SNTG1: variants seen among roughly 807,000 people sequenced by gnomAD.
SNTG1 encodes syntrophin gamma 1, also known as gamma-1-syntrophin.
SNTG1 carries 39 observed loss-of-function variants against 74.7 expected under a neutral mutation model. That is an observed-to-expected ratio of 0.52 (90% CI 0.40 to 0.68). SNTG1 has a LOEUF of 0.68. Among genes scored for constraint, SNTG1 ranks in the 30% least tolerant of loss-of-function variants. The probability of loss-of-function intolerance (pLI) is 0.00; values close to 1 mark genes in which losing one functional copy is unlikely to be tolerated. For missense variants in SNTG1, 685 were observed against 609.5 expected (o/e 1.12, Z -1.30); for synonymous variants, 254 against 217.1 (o/e 1.17, Z -1.49).
intron 13 of SNTG1, among the ~76,000 whole-genome samples, chr8:50,618,891 A>ATGTG (rs34924863): frequency 0.035 from 5,211 of 148,338 alleles, 260 homozygotes; most frequent in African/African-American, 0.11. Flanking sequence ...ATATGTGTAT[A>ATGTG]TGTGTGTGTG....
chr8:50,389,166 G>A (rs2092619252), intron 2 of SNTG1, among the ~76,000 whole-genome samples: 1 of 152,204 alleles, frequency 6.6e-6, no homozygotes, highest in Non-Finnish European at 1.5e-5. Flanking sequence ...CATAGCTGGA[G>A]TAGACATAAG....
intron 2 of SNTG1, among the ~76,000 whole-genome samples, chr8:50,356,206 A>G (rs2091812702): frequency 6.6e-6 from 1 of 152,038 alleles, no homozygotes; most frequent in South Asian, 2.1e-4. Flanking sequence ...TGAGTTCACC[A>G]TCTTGACAGG....
intron 1 of SNTG1, among the ~76,000 whole-genome samples, chr8:50,068,237 T>C (rs893238861): frequency 6.6e-6 from 1 of 152,148 alleles, no homozygotes; most frequent in African/African-American, 2.4e-5. Context: ...CGGGCCGGAC[T>C]GAGAGAGGCT....
At chr8:50,071,267 T>C (rs935894994) in intron 1 of SNTG1, among the ~76,000 whole-genome samples, 1 of 152,164 alleles carries the variant, frequency 6.6e-6, no homozygotes, top group Non-Finnish European at 1.5e-5. Context: ...GGCATGATCA[T>C]AGCTCACTGC....
At chr8:50,685,001 TCTTA>T (rs1404305456) in intron 15 of SNTG1, among the ~76,000 whole-genome samples, 1 of 150,766 alleles carries the variant, frequency 6.6e-6, no homozygotes, top group Non-Finnish European at 1.5e-5. Flanking sequence ...TTCACCTTTT[TCTTA>T]CTTAAAAAAA....
intron 1 of SNTG1, among the ~76,000 whole-genome samples, chr8:50,009,063 T>C (rs1441273074): frequency 6.6e-6 from 1 of 152,188 alleles, no homozygotes; most frequent in Non-Finnish European, 1.5e-5. Flanking sequence ...TATTTTTTAT[T>C]GAATTTTGGA....
At chr8:50,457,461 A>G (rs1299408487) in intron 8 of SNTG1, among the ~76,000 whole-genome samples, 1 of 152,206 alleles carries the variant, frequency 6.6e-6, no homozygotes, top group Non-Finnish European at 1.5e-5. Flanking sequence ...CAAGGAGCAA[A>G]TGTACAATTT....
intron 2 of SNTG1, among the ~76,000 whole-genome samples, chr8:50,232,141 A>G (rs936827051): frequency 1.3e-5 from 2 of 151,424 alleles, no homozygotes; most frequent in Admixed American, 1.3e-4. Context: ...AAACAAGAAA[A>G]GGCAAAAATA....
At chr8:50,536,618 G>A in intron 10 of SNTG1, 60 bp from the exon 11 acceptor site, 1 of 1,580,482 alleles carries the variant, frequency 6.3e-7, no homozygotes, top group South Asian at 1.2e-5. Flanking sequence ...AGGGGTTTGA[G>A]ATACAGAAAC....
chr8:50,660,286 G>A (rs946228941), intron 15 of SNTG1, among the ~76,000 whole-genome samples: 2 of 145,034 alleles, frequency 1.4e-5, no homozygotes, highest in Admixed American at 7.0e-5. Context: ...AAGAAGGAAA[G>A]AAGAAAGAAA....
chr8:50,178,574 T>G, intron 2 of SNTG1, among the ~76,000 whole-genome samples: 1 of 152,206 alleles, frequency 6.6e-6, no homozygotes, highest in East Asian at 1.9e-4. Flanking sequence ...CAGGTCCCAG[T>G]ATTAGTCAAT....
At chr8:50,418,320 C>G (rs1332671876) in intron 4 of SNTG1, among the ~76,000 whole-genome samples, 1 of 152,062 alleles carries the variant, frequency 6.6e-6, no homozygotes, top group Non-Finnish European at 1.5e-5. Flanking sequence ...CTCCTTTCTC[C>G]TACAAATATT....
At chr8:50,337,479 C>T (rs1471230018) in intron 2 of SNTG1, among the ~76,000 whole-genome samples, 1 of 152,144 alleles carries the variant, frequency 6.6e-6, no homozygotes, top group Admixed American at 6.6e-5. Context: ...CTACCCGTTT[C>T]CTGCAAGGAA....
At chr8:50,313,326 A>G (rs2090187379) in intron 2 of SNTG1, among the ~76,000 whole-genome samples, 1 of 149,904 alleles carries the variant, frequency 6.7e-6, no homozygotes, top group Admixed American at 6.8e-5. Flanking sequence ...GGGTTTCATC[A>G]AACTAGAAAG....
intron 2 of SNTG1, among the ~76,000 whole-genome samples, chr8:50,343,158 C>T (rs779697419): frequency 2.0e-5 from 3 of 152,130 alleles, no homozygotes; most frequent in African/African-American, 4.8e-5. Context: ...GAATTGCACC[C>T]GGTCAGACCT....
At chr8:50,064,774 A>G (rs1820768379) in intron 1 of SNTG1, among the ~76,000 whole-genome samples, 1 of 151,962 alleles carries the variant, frequency 6.6e-6, no homozygotes, top group Admixed American at 6.6e-5. Context: ...GCTCCTTCTT[A>G]TAATTCTGGT....
At chr8:50,336,587 A>G (rs2091151553) in intron 2 of SNTG1, among the ~76,000 whole-genome samples, 1 of 152,324 alleles carries the variant, frequency 6.6e-6, no homozygotes, top group East Asian at 1.9e-4. Context: ...TCTTTTCAAA[A>G]TGTAGTTTTC....
intron 15 of SNTG1, among the ~76,000 whole-genome samples, chr8:50,661,170 A>T (rs2095221147): frequency 6.6e-6 from 1 of 152,202 alleles, no homozygotes; most frequent in Non-Finnish European, 1.5e-5. Context: ...GCTTTCATTG[A>T]GCTTGCATTT....
At chr8:49,969,385 ATCTTTTTTTT>A (rs1378789930) in intron 1 of SNTG1, among the ~76,000 whole-genome samples, 32 of 116,646 alleles carry the variant, frequency 2.7e-4, no homozygotes, top group South Asian at 8.3e-4. Context: ...AATTCATTTA[ATCTTTTTTTT>A]TTTTTTTTTT....
Sources: gnomAD v4.1 joint callset for allele counts (sites outside exome capture counted in the v4.1 genomes callset) on GRCh38, gnomAD v4.1.1 for gene constraint, MANE v1.5 for transcripts, NCBI Gene and HGNC (gene_info 2026-07-23, HGNC 2026-07-21) for gene names.